MED12L: variants seen among roughly 807,000 people sequenced by gnomAD.
MED12L encodes mediator complex subunit 12L.
Under a neutral mutation model 281.3 loss-of-function variants are expected in MED12L, and 60 were observed. That is an observed-to-expected ratio of 0.21 (90% confidence interval 0.17 to 0.26). The LOEUF is 0.26. Ranked by LOEUF, MED12L falls within the 10% of genes least tolerant of loss-of-function variation. The pLI, the probability that MED12L is intolerant of heterozygous loss-of-function variation, is 1.00. For synonymous variants in MED12L, 974 were observed against 987.2 expected (o/e 0.99, Z 0.25); for missense variants, 2,146 against 2,680.9 (o/e 0.80, Z 4.41).
intron 38 of MED12L, 149 bp from the exon 39 acceptor site, chr3:151,394,507 A>G: frequency 5.1e-6 from 6 of 1,185,282 alleles, no homozygotes; most frequent in South Asian, 1.5e-5. Flanking sequence ...CAACAGGTCT[A>G]TAATATTTGT....
chr3:151,138,996 C>T (rs1382685930), intron 5 of MED12L, among the ~76,000 whole-genome samples: 1 of 141,244 alleles, frequency 7.1e-6, no homozygotes, highest in Non-Finnish European at 1.5e-5. Flanking sequence ...TACCTACCTA[C>T]CTACCTGCCT....
intron 16 of MED12L, among the ~76,000 whole-genome samples, chr3:151,207,350 T>C (rs752948189): frequency 5.9e-5 from 9 of 152,214 alleles, no homozygotes; most frequent in Non-Finnish European, 1.0e-4. Context: ...AAAAGGAATC[T>C]TATCACCTGC....
At chr3:151,326,220 C>G (rs1359270265) in intron 16 of MED12L, 1 of 152,540 alleles carries the variant, frequency 6.6e-6, no homozygotes, top group Non-Finnish European at 1.5e-5. Context: ...GCTTTCATTT[C>G]AAGAAATTTA....
chr3:151,204,087 T>A (rs1448824096), intron 16 of MED12L, among the ~76,000 whole-genome samples: 1 of 152,202 alleles, frequency 6.6e-6, no homozygotes, highest in Non-Finnish European at 1.5e-5. Flanking sequence ...ACAAACATAT[T>A]TTCAAGAGTT....
chr3:151,289,531 T>C (rs1372418915), intron 16 of MED12L, among the ~76,000 whole-genome samples: 5 of 152,224 alleles, frequency 3.3e-5, no homozygotes, highest in South Asian at 4.1e-4. Flanking sequence ...ACGAAAGATA[T>C]TTTGCTTCAG....
rs565397261 is a variant in MED12L at position 151,247,316 on chromosome 3, A to G, written c.2250+53650A>G. On this transcript the variant is annotated intron_variant, in intron 16 of 44. Coordinates refer to ENST00000687756, the MANE Select transcript of MED12L (RefSeq NM_001393769.1). Reference sequence around the variant, plus strand: ...CTGCTATAAAGACACATGCACACGTATGTTTATTGTGGCATTATTCACAAT... The same window carrying G: ...CTGCTATAAAGACACATGCACACGTGTGTTTATTGTGGCATTATTCACAAT... Among the ~76,000 whole-genome samples, 155 of 152,240 alleles carry G rather than the reference A, an allele frequency of 1.0e-3. 1 individual carries two copies. Among genetic ancestry groups the G allele is most frequent in the African/African-American group, 3.3e-3 (139 of 41,524 alleles).
chr3:151,387,827 G>T lies in MED12L; in HGVS notation c.5106G>T (p.Thr1702=). The change falls in exon 37 of 45, where the codon ACG becomes ACT. Residue 1702 remains threonine, a synonymous_variant. Coordinates refer to ENST00000687756, the MANE Select transcript of MED12L (RefSeq NM_001393769.1). ...IDKKQGLQVS[T]KQKVSPWDLF... is the part of the protein sequence containing the mutation. ...TCCCACAGGGTCTCCAGGTCTCTAC[G>T]AAGCAGAAGGTGTCCCCGTGGGACT... 3 of 1,613,126 alleles carry T rather than the reference G, an allele frequency of 1.9e-6. No homozygotes were observed. The highest frequency in any genetic ancestry group is 2.5e-6 in the Non-Finnish European group (3 of 1,179,448).
At chr3:151,290,166 A>G (rs956065839) in intron 16 of MED12L, among the ~76,000 whole-genome samples, 5 of 152,164 alleles carry the variant, frequency 3.3e-5, no homozygotes, top group Non-Finnish European at 7.4e-5. Context: ...GATTACAGGC[A>G]TGAGCCACCA....
intron 40 of MED12L, among the ~76,000 whole-genome samples, chr3:151,410,855 C>T (rs1374910577): frequency 6.6e-6 from 1 of 152,152 alleles, no homozygotes; most frequent in Non-Finnish European, 1.5e-5. Context: ...TTTTAATTTA[C>T]ATTTGAGCAT....
chr3:151,117,433 G>A (rs1254748064), intron 3 of MED12L, among the ~76,000 whole-genome samples: 1 of 152,054 alleles, frequency 6.6e-6, no homozygotes, highest in African/African-American at 2.4e-5. Flanking sequence ...GGACAGAGAT[G>A]GGACACATAG....
chr3:151,257,700 T>C (rs1738086809), intron 16 of MED12L, among the ~76,000 whole-genome samples: 1 of 152,210 alleles, frequency 6.6e-6, no homozygotes, highest in African/African-American at 2.4e-5. Context: ...CAAGAGATGA[T>C]TTTTTGGAGA....
chr3:151,355,294 A>G (rs568538709), intron 18 of MED12L, 55 bp downstream of exon 18: 3 of 1,251,110 alleles, frequency 2.4e-6, no homozygotes, highest in African/African-American at 3.0e-5. Context: ...TTACTTAAAA[A>G]TTTTTTTCAT....
At chr3:151,113,424 CT>C (rs1712229372) in intron 2 of MED12L, among the ~76,000 whole-genome samples, 1 of 152,128 alleles carries the variant, frequency 6.6e-6, no homozygotes, top group South Asian at 2.1e-4. Flanking sequence ...AGGGCCTTTG[CT>C]TGTACTTTGA....
At chr3:151,392,136 A>G (rs1248133023) in intron 38 of MED12L, among the ~76,000 whole-genome samples, 2 of 152,168 alleles carry the variant, frequency 1.3e-5, no homozygotes, top group Non-Finnish European at 2.9e-5. Flanking sequence ...CTTTTTATAA[A>G]CTGAGGAACT....
chr3:151,384,936 A>G lies in MED12L; in HGVS notation c.4927-94A>G. ...CATGCGCTAAGCTATAAAAAGGGAA[A>G]TGTTTCATAGGGGAACTTCCTTCTG... On this transcript the variant is annotated intron_variant, in intron 35 of 44. Transcript: ENST00000687756. 7.9e-6 allele frequency: 6 copies of G among 763,256 alleles called. No homozygotes were observed. The South Asian group carries it at 8.8e-5, about 11-fold the overall frequency. The allele number at this position is 763,256 out of a possible 1,614,324, so 47.3% of individuals were successfully genotyped here.
intron 16 of MED12L, among the ~76,000 whole-genome samples, chr3:151,255,541 A>G (rs540009379): frequency 7.6e-4 from 116 of 152,172 alleles, no homozygotes; most frequent in African/African-American, 2.6e-3. Context: ...CTGTGCTGCT[A>G]TGGGCCTTTT....
At chr3:151,377,209 C>T (rs1237707404) in intron 30 of MED12L, 31 bp downstream of exon 30, 1 of 1,565,422 alleles carries the variant, frequency 6.4e-7, no homozygotes, top group Non-Finnish European at 8.7e-7. Flanking sequence ...ATTGAACTGT[C>T]ATGAATTTTT....
At chr3:151,206,895 C>A (rs1020985652) in intron 16 of MED12L, among the ~76,000 whole-genome samples, 1 of 151,946 alleles carries the variant, frequency 6.6e-6, no homozygotes, top group Non-Finnish European at 1.5e-5. Flanking sequence ...CCACCTGCCT[C>A]GGCCTCCCAC....
intron 43 of MED12L, among the ~76,000 whole-genome samples, chr3:151,428,876 A>G (rs1388900864): frequency 6.6e-6 from 1 of 151,906 alleles, no homozygotes; most frequent in Admixed American, 6.5e-5. Context: ...TTGGAACTAA[A>G]ACATTATTGT....
Sources: allele counts gnomAD v4.1 joint callset (sites outside exome capture counted in the v4.1 genomes callset), GRCh38; gene constraint gnomAD v4.1.1; transcripts MANE v1.5; gene names NCBI Gene and HGNC (gene_info 2026-07-23, HGNC 2026-07-21).